The following DLGAP1 variants were observed in gnomAD, a reference collection of about 807,000 sequenced individuals.
DLGAP1 encodes the protein disks large-associated protein 1.
Under a neutral mutation model 90.8 loss-of-function variants are expected in DLGAP1, and 11 were observed. That is an observed-to-expected ratio of 0.12 (90% confidence interval 0.08 to 0.20). DLGAP1 has a LOEUF of 0.20. DLGAP1 is among the 10% of genes least tolerant of loss of function. The probability of loss-of-function intolerance (pLI) is 1.00; values close to 1 mark genes in which losing one functional copy is unlikely to be tolerated. For missense variants in DLGAP1, 1,050 were observed against 1,333.8 expected (o/e 0.79, Z 3.31); for synonymous variants, 558 against 540.7 (o/e 1.03, Z -0.44).
At chr18:4,350,750 T>C (rs956747768) in intron 1 of DLGAP1, among the ~76,000 whole-genome samples, 2 of 152,220 alleles carry the variant, frequency 1.3e-5, no homozygotes, top group African/African-American at 4.8e-5. Flanking sequence ...ACTTTTATTC[T>C]ATTCTATTCA....
At chr18:3,857,023 G>A (rs1035267010) in intron 4 of DLGAP1, among the ~76,000 whole-genome samples, 35 of 152,034 alleles carry the variant, frequency 2.3e-4, no homozygotes, top group African/African-American at 7.3e-4. Flanking sequence ...ATCCATAGAG[G>A]ACTTCAGTAT....
At position 4,014,928 on chromosome 18, in the gene DLGAP1, T is replaced by C. The variant is rs2074495401; in HGVS notation, c.-158-9727A>G. 2.0e-5 allele frequency among the ~76,000 whole-genome samples: 3 copies of C among 152,268 alleles called. No homozygotes were observed. In the South Asian group the frequency reaches 6.2e-4, roughly 32 times the overall value. ...CTCTAAGTTCTAAAGAGTGTGTCGG[T>C]GGATGGTGTGCTTTCATCTTTTAGT... is the stretch of plus-strand genomic sequence containing the variant. On this transcript the variant is annotated intron_variant, in intron 2 of 12. Transcript: ENST00000315677.
At chr18:4,085,901 A>G (rs2075674132) in intron 2 of DLGAP1, among the ~76,000 whole-genome samples, 1 of 151,874 alleles carries the variant, frequency 6.6e-6, no homozygotes, top group Non-Finnish European at 1.5e-5. Context: ...AATTATCTCT[A>G]TTTTGCTTAC....
At chr18:3,553,280 T>C (rs1381329729) in intron 9 of DLGAP1, among the ~76,000 whole-genome samples, 2 of 152,208 alleles carry the variant, frequency 1.3e-5, no homozygotes, top group African/African-American at 4.8e-5. Context: ...TGTAAGACTA[T>C]ACATAGGATT....
At chr18:4,279,680 G>A (rs1479999564) in intron 1 of DLGAP1, among the ~76,000 whole-genome samples, 1 of 152,102 alleles carries the variant, frequency 6.6e-6, no homozygotes, top group Admixed American at 6.5e-5. Context: ...TAAATAATTT[G>A]CTATTTTTCT....
At chr18:4,168,854 A>C (rs2076977625) in intron 1 of DLGAP1, among the ~76,000 whole-genome samples, 1 of 152,168 alleles carries the variant, frequency 6.6e-6, no homozygotes, top group Non-Finnish European at 1.5e-5. Context: ...AAGTAGCTGG[A>C]ACTACTGGTG....
At chr18:3,799,920 C>G (rs986506246) in intron 5 of DLGAP1, among the ~76,000 whole-genome samples, 1 of 152,036 alleles carries the variant, frequency 6.6e-6, no homozygotes, top group Non-Finnish European at 1.5e-5. Context: ...AAGTCCATCT[C>G]AAAATATTCA....
At chr18:4,007,525 T>G (rs112927839) in intron 2 of DLGAP1, among the ~76,000 whole-genome samples, 13,553 of 151,726 alleles carry the variant, frequency 0.089, 1,742 homozygotes, top group African/African-American at 0.28. Context: ...GCGTGGTGGC[T>G]GGCACCTGTA....
At chr18:4,025,323 AT>A (rs35955396) in intron 2 of DLGAP1, among the ~76,000 whole-genome samples, 3 of 150,276 alleles carry the variant, frequency 2.0e-5, no homozygotes, top group Non-Finnish European at 1.5e-5. Context: ...TCCAATGAGC[AT>A]TTTTTTTTTG....
intron 1 of DLGAP1, among the ~76,000 whole-genome samples, chr18:4,354,205 A>C (rs2081457342): frequency 6.6e-6 from 1 of 152,174 alleles, no homozygotes; most frequent in South Asian, 2.1e-4. Flanking sequence ...AGATGATAGA[A>C]ACTAGGGTTT....
At chr18:3,986,834 T>C (rs2073853960) in intron 3 of DLGAP1, among the ~76,000 whole-genome samples, 1 of 152,172 alleles carries the variant, frequency 6.6e-6, no homozygotes, top group South Asian at 2.1e-4. Flanking sequence ...CTTGTTAAAA[T>C]CACTTTTATA....
At chr18:4,374,559 T>TA (rs138124408) in intron 1 of DLGAP1, among the ~76,000 whole-genome samples, 10 of 151,544 alleles carry the variant, frequency 6.6e-5, no homozygotes, top group African/African-American at 1.5e-4. Flanking sequence ...TGAAAAAGAG[T>TA]AAAAAAAATG....
intron 1 of DLGAP1, among the ~76,000 whole-genome samples, chr18:4,435,693 T>G (rs973790408): frequency 1.3e-5 from 2 of 152,178 alleles, no homozygotes; most frequent in Non-Finnish European, 2.9e-5. Context: ...ACATAACTCT[T>G]TAATCACAGT....
chr18:3,821,525 TA>T (rs1266946330), intron 4 of DLGAP1, among the ~76,000 whole-genome samples: 1 of 152,174 alleles, frequency 6.6e-6, no homozygotes, highest in African/African-American at 2.4e-5. Context: ...CAAATAAGCA[TA>T]AACGTTCTCG....
At chr18:3,957,247 G>C (rs1409424223) in intron 3 of DLGAP1, among the ~76,000 whole-genome samples, 1 of 152,176 alleles carries the variant, frequency 6.6e-6, no homozygotes. Context: ...ATGGAAGAAG[G>C]AGCCAGGAGC....
intron 7 of DLGAP1, among the ~76,000 whole-genome samples, chr18:3,593,081 T>A (rs1205297470): frequency 6.6e-6 from 1 of 151,732 alleles, no homozygotes; most frequent in African/African-American, 2.4e-5. Context: ...GGGCTCCAAC[T>A]CCCATCTGAC....
chr18:3,728,325 TATAC>T lies in DLGAP1; in HGVS notation c.1591+806_1591+809del, dbSNP rs1368464507. 5.3e-3 allele frequency among the ~76,000 whole-genome samples: 443 copies of T among 84,158 alleles called. 2 individuals carry two copies. The highest frequency in any genetic ancestry group is 0.038 in the African/African-American group (423 of 11,170). The allele number at this position is 84,158 out of a possible 152,430, so 55.2% of individuals were successfully genotyped here. A position where few individuals can be genotyped will look rare whatever the true frequency, so the allele number is the denominator to read the frequency against. ...TTATATATATATATATATATATATA[TATAC>T]ATGTTTCATATGCACGCATTGTCAT... On this transcript the variant is annotated intron_variant, in intron 7 of 12. Transcript: ENST00000315677.
Position 4,316,221 on chromosome 18 carries a change from G to A in DLGAP1, c.-267+138785C>T, listed in dbSNP as rs137955434. Among the ~76,000 whole-genome samples the A allele has an allele frequency of 4.9e-3, 743 of 152,238 alleles. 7 individuals are homozygous for A. Among genetic ancestry groups the A allele is most frequent in the African/African-American group, 0.017 (722 of 41,556 alleles). Reference sequence around the variant, plus strand: ...TTGAGCTGCTAATGCCTATTGATCCGTGTGTTACATGGCATCGTGTAGGCT... The same window carrying A: ...TTGAGCTGCTAATGCCTATTGATCCATGTGTTACATGGCATCGTGTAGGCT... On this transcript the variant is annotated intron_variant, in intron 1 of 12. Coordinates refer to ENST00000315677, the MANE Select transcript of DLGAP1 (RefSeq NM_004746.4).
intron 3 of DLGAP1, among the ~76,000 whole-genome samples, chr18:3,883,072 C>T (rs769150644): frequency 2.0e-5 from 3 of 152,124 alleles, no homozygotes; most frequent in Non-Finnish European, 2.9e-5. Flanking sequence ...GGTGAAACCT[C>T]GTCTCTACTA....
Sources: gnomAD v4.1 joint callset for allele counts (sites outside exome capture counted in the v4.1 genomes callset) on GRCh38, gnomAD v4.1.1 for gene constraint, MANE v1.5 for transcripts, NCBI Gene and HGNC (gene_info 2026-07-23, HGNC 2026-07-21) for gene names.